The following PTPRG variants were observed in gnomAD, a reference collection of about 807,000 sequenced individuals.
PTPRG encodes the protein protein tyrosine phosphatase receptor type G.
A neutral mutation model predicts 165.3 loss-of-function variants in PTPRG; 102 were observed. That is an observed-to-expected ratio of 0.62 (90% CI 0.53 to 0.73). PTPRG has a LOEUF of 0.73. Ranked by LOEUF, PTPRG falls within the 30% of genes least tolerant of loss-of-function variation. The probability of loss-of-function intolerance (pLI) is 0.00; values close to 1 mark genes in which losing one functional copy is unlikely to be tolerated. For synonymous variants in PTPRG, 675 were observed against 669.5 expected (o/e 1.01, Z -0.13); for missense variants, 1,866 against 1,861.4 (o/e 1.00, Z -0.05).
chr3:61,707,060 T>C (rs915233864), intron 1 of PTPRG, among the ~76,000 whole-genome samples: 1 of 152,222 alleles, frequency 6.6e-6, no homozygotes, highest in South Asian at 2.1e-4. Flanking sequence ...GGTCATTCCA[T>C]AGATAGTGTC....
intron 2 of PTPRG, among the ~76,000 whole-genome samples, chr3:61,751,290 A>G (rs1222197083): frequency 1.3e-5 from 2 of 152,210 alleles, no homozygotes; most frequent in African/African-American, 4.8e-5. Context: ...TTAAAACCAC[A>G]GCAAATGAGA....
intron 8 of PTPRG, 129 bp from the exon 9 acceptor site, chr3:62,191,340 C>G: frequency 1.4e-6 from 1 of 715,990 alleles, no homozygotes; most frequent in East Asian, 2.7e-5. Context: ...TTAAGAGGAC[C>G]CAGGAGAAGG....
chr3:61,984,496 G>T (rs545121366), intron 2 of PTPRG, among the ~76,000 whole-genome samples: 1 of 152,032 alleles, frequency 6.6e-6, no homozygotes, highest in South Asian at 2.1e-4. Context: ...CCATAGACAC[G>T]GCCTAAGTGC....
chr3:61,798,638 T>TA (rs1553670662), intron 2 of PTPRG, among the ~76,000 whole-genome samples: 3 of 151,264 alleles, frequency 2.0e-5, no homozygotes, highest in South Asian at 2.1e-4. Flanking sequence ...TTTTTTTTTT[T>TA]AAACCCTTTG....
Position 62,010,021 on chromosome 3 carries a change from G to A in PTPRG, c.519+6524G>A, listed in dbSNP as rs549031247. Among the ~76,000 whole-genome samples, 4 of 152,234 alleles carry A rather than the reference G, an allele frequency of 2.6e-5. No individual in the cohort carries two copies. The East Asian group carries it at 5.8e-4, about 22-fold the overall frequency. ...CAGCCTCAACTTCCTGGGCTCAACC[G>A]GTTCTCTTGCCTCAGCCTCCCGAGT... On this transcript the variant is annotated intron_variant, in intron 4 of 29. Transcript: ENST00000474889.
intron 4 of PTPRG, among the ~76,000 whole-genome samples, chr3:62,007,185 A>T (rs926035287): frequency 6.6e-6 from 1 of 152,180 alleles, no homozygotes; most frequent in Admixed American, 6.5e-5. Context: ...CCTGAGGGTA[A>T]ATGGCAGCAA....
chr3:62,087,459 A>T (rs1701789119), intron 5 of PTPRG, among the ~76,000 whole-genome samples: 1 of 152,226 alleles, frequency 6.6e-6, no homozygotes, highest in East Asian at 1.9e-4. Flanking sequence ...TACAAACACC[A>T]CTAATAAAAG....
chr3:61,637,775 T>G (rs1701954581), intron 1 of PTPRG, among the ~76,000 whole-genome samples: 1 of 152,138 alleles, frequency 6.6e-6, no homozygotes, highest in South Asian at 2.1e-4. Flanking sequence ...GAAACAGAGA[T>G]ATCAGTCACA....
intron 4 of PTPRG, among the ~76,000 whole-genome samples, chr3:62,054,548 CT>C (rs1700570070): frequency 6.6e-6 from 1 of 152,122 alleles, no homozygotes; most frequent in African/African-American, 2.4e-5. Context: ...AGTGGTTCTT[CT>C]GGGTGTCACC....
intron 2 of PTPRG, among the ~76,000 whole-genome samples, chr3:61,974,789 C>A (rs1054029971): frequency 1.3e-5 from 2 of 152,086 alleles, no homozygotes; most frequent in Non-Finnish European, 2.9e-5. Flanking sequence ...GGTCAAAGAT[C>A]CCAGTACTGG....
chr3:61,818,967 A>G (rs541662273), intron 2 of PTPRG, among the ~76,000 whole-genome samples: 1 of 152,160 alleles, frequency 6.6e-6, no homozygotes, highest in African/African-American at 2.4e-5. Flanking sequence ...ATCTTCTCAA[A>G]TCATCCCAGA....
intron 21 of PTPRG, 82 bp from the exon 22 acceptor site, chr3:62,272,864 G>C (rs929165567): frequency 1.2e-5 from 16 of 1,357,034 alleles, no homozygotes; most frequent in Non-Finnish European, 1.5e-5. Context: ...AAATAAATGG[G>C]GTTTAGATTG....
In PTPRG at chr3:62,210,255, G is replaced by T. The variant is rs922094398; in HGVS notation, c.2155+6305G>T. Among the ~76,000 whole-genome samples the T allele has an allele frequency of 6.6e-6, 1 of 152,188 alleles. No individual in the cohort carries two copies. The highest frequency in any genetic ancestry group is 2.4e-5 in the African/African-American group (1 of 41,444). On this transcript the variant is annotated intron_variant, in intron 12 of 29. Transcript: ENST00000474889. This position sits in a 1 kb window ranked among gnomAD's most constrained non-coding sequence, Gnocchi z 4.1. ...ACAGAGCCAGTGTCCTGTTGCAAGAGAACATATTTATTTGTAACTGATGAA... is the reference window on the plus strand; with the variant it reads ...ACAGAGCCAGTGTCCTGTTGCAAGATAACATATTTATTTGTAACTGATGAA...
intron 4 of PTPRG, among the ~76,000 whole-genome samples, chr3:62,039,472 G>A (rs999228744): frequency 3.3e-5 from 5 of 151,990 alleles, no homozygotes; most frequent in African/African-American, 7.3e-5. Flanking sequence ...ATTACTACAC[G>A]AAAGCACAGA....
chr3:62,037,497 C>T (rs1156735159), intron 4 of PTPRG, among the ~76,000 whole-genome samples: 1 of 152,210 alleles, frequency 6.6e-6, no homozygotes, highest in East Asian at 1.9e-4. Flanking sequence ...TATCTGCAGG[C>T]ATTAGCAAAT....
intron 2 of PTPRG, among the ~76,000 whole-genome samples, chr3:61,793,752 GTTT>G (rs367969900): frequency 5.9e-5 from 9 of 151,922 alleles, no homozygotes; most frequent in African/African-American, 2.2e-4. Flanking sequence ...ACTTGTTGTT[GTTT>G]TTTTTCTGGC....
At chr3:62,086,136 A>G (rs978303446) in intron 5 of PTPRG, among the ~76,000 whole-genome samples, 2 of 152,200 alleles carry the variant, frequency 1.3e-5, no homozygotes, top group African/African-American at 4.8e-5. Flanking sequence ...TCTGGTATAA[A>G]GCAGAACACC....
intron 28 of PTPRG, among the ~76,000 whole-genome samples, chr3:62,286,664 T>G (rs1242000334): frequency 6.6e-6 from 1 of 152,100 alleles, no homozygotes; most frequent in Non-Finnish European, 1.5e-5. Flanking sequence ...AAAATAGGGT[T>G]TTTTTCTTAA....
At chr3:61,739,798 A>C (rs571232571) in intron 1 of PTPRG, among the ~76,000 whole-genome samples, 3 of 152,348 alleles carry the variant, frequency 2.0e-5, no homozygotes, top group Admixed American at 2.0e-4. Context: ...AAGAAATACA[A>C]ATGAACAAGT....
Sources: gnomAD v4.1 joint callset for allele counts (sites outside exome capture counted in the v4.1 genomes callset) on GRCh38, gnomAD v4.1.1 for gene constraint, Gnocchi (gnomAD v3.1) non-coding constraint, MANE v1.5 for transcripts, NCBI Gene and HGNC (gene_info 2026-07-23, HGNC 2026-07-21) for gene names.